Variants in SLC5A1 observed in about 807,000 individuals in gnomAD.
The protein encoded by SLC5A1 is solute carrier family 5 member 1.
Under a neutral mutation model 73.5 loss-of-function variants are expected in SLC5A1, and 42 were observed. The observed-to-expected ratio is 0.57, with a 90% CI of 0.45 to 0.74. The LOEUF (loss-of-function observed/expected upper bound fraction) is 0.74. Ranked by LOEUF, SLC5A1 falls within the 30% of genes least tolerant of loss-of-function variation. SLC5A1 has a pLI of 0.00. For synonymous variants in SLC5A1, 300 were observed against 317.4 expected, an observed-to-expected ratio of 0.95 and a Z score of 0.58; for missense variants, 634 against 855.4, an observed-to-expected ratio of 0.74 and a Z score of 3.23.
intron 11 of SLC5A1, 86 bp from the exon 12 acceptor site, chr22:32,099,097 A>T: frequency 6.2e-6 from 1 of 161,742 alleles, no homozygotes; most frequent in East Asian, 2.2e-4. Context: ...AAAAAAAAAA[A>T]AAAAAAAAAT....
At chr22:32,044,768 T>G (rs1464962229) in intron 1 of SLC5A1, among the ~76,000 whole-genome samples, 7 of 152,180 alleles carry the variant, frequency 4.6e-5, no homozygotes, top group African/African-American at 1.7e-4. Flanking sequence ...TCTTATCTAT[T>G]CTAATGACTC....
At chr22:32,088,537 C>G (rs557941214) in intron 10 of SLC5A1, among the ~76,000 whole-genome samples, 1 of 152,050 alleles carries the variant, frequency 6.6e-6, no homozygotes. Context: ...CGGGGTTTCA[C>G]CACATTGGCC....
intron 5 of SLC5A1, among the ~76,000 whole-genome samples, chr22:32,070,222 TCCCCTCCCCC>T (rs2093980565): frequency 9.9e-5 from 1 of 10,054 alleles, no homozygotes; most frequent in Non-Finnish European, 1.8e-4. Context: ...TCCCCTCCCC[TCCCCTCCCCC>T]CTCCCCTCCC....
chr22:32,101,717 T>A lies in SLC5A1; in HGVS notation c.1450-305T>A, dbSNP rs142973835. Among the ~76,000 whole-genome samples the A allele has an allele frequency of 1.8e-4, 28 of 152,354 alleles. No homozygotes were observed. In the East Asian group the frequency reaches 5.4e-3, roughly 29 times the overall value. On this transcript the variant is annotated intron_variant, in intron 12 of 14. Transcript: ENST00000266088. Reference sequence around the variant, plus strand: ...TAAAGGGAATTTTTGGAATCAAGTCTGTAGGTTGACATTCTATTCCAGTTA... The same window carrying A: ...TAAAGGGAATTTTTGGAATCAAGTCAGTAGGTTGACATTCTATTCCAGTTA...
intron 13 of SLC5A1, 136 bp from the exon 14 acceptor site, chr22:32,104,650 C>T (rs1603145126): frequency 8.5e-6 from 6 of 709,282 alleles, no homozygotes; most frequent in Middle Eastern, 2.9e-4. Context: ...GGATGAGAAT[C>T]GTTGTGTATG....
At chr22:32,086,928 T>C (rs758177477) in intron 10 of SLC5A1, among the ~76,000 whole-genome samples, 2 of 152,106 alleles carry the variant, frequency 1.3e-5, no homozygotes, top group Non-Finnish European at 2.9e-5. Flanking sequence ...CTATTCACCC[T>C]CAAAAAGAAG....
chr22:32,064,334 A>G (rs2093968817), intron 2 of SLC5A1, among the ~76,000 whole-genome samples: 1 of 152,030 alleles, frequency 6.6e-6, no homozygotes, highest in Admixed American at 6.6e-5. Context: ...CGTCTCTACA[A>G]AAAATACAAA....
At chr22:32,083,208 G>A (rs1397130542) in intron 7 of SLC5A1, 54 bp downstream of exon 7, 11 of 1,452,732 alleles carry the variant, frequency 7.6e-6, no homozygotes, top group Non-Finnish European at 1.1e-5. Flanking sequence ...GAGGGCCTCA[G>A]GAAGAGGAAG....
chr22:32,043,496 A>G lies in SLC5A1; in HGVS notation c.135+80A>G, dbSNP rs1437684092. ...ATGGCCTCGCTGAGCTGCAAGGGGC[A>G]GTAGGCTTAAGTGTCGGTGGAGGGG... On this transcript the variant is annotated intron_variant, in intron 1 of 14. Transcript: ENST00000266088. The surrounding 1 kb of genome is among the most constrained non-coding windows in gnomAD (Gnocchi z 6.5). 4 of 1,450,044 alleles carry G rather than the reference A, an allele frequency of 2.8e-6. No homozygotes were observed. Among genetic ancestry groups the G allele is most frequent in the Non-Finnish European group, 3.8e-6 (4 of 1,042,496 alleles). The allele number at this position is 1,450,044 out of a possible 1,614,324, so 89.8% of individuals were successfully genotyped here.
At chr22:32,054,444 G>A (rs2033467491) in intron 2 of SLC5A1, among the ~76,000 whole-genome samples, 1 of 152,196 alleles carries the variant, frequency 6.6e-6, no homozygotes, top group South Asian at 2.1e-4. Context: ...GGTTCAGTGG[G>A]AGGGAGAAGG....
At chr22:32,068,684 C>G (rs2093978159) in intron 5 of SLC5A1, 84 bp downstream of exon 5, 4 of 949,944 alleles carry the variant, frequency 4.2e-6, no homozygotes, top group Non-Finnish European at 6.8e-6. Context: ...CAAGAGGCGG[C>G]TCTATACATT....
intron 11 of SLC5A1, among the ~76,000 whole-genome samples, chr22:32,092,092 C>G (rs1482534688): frequency 6.6e-6 from 1 of 152,062 alleles, no homozygotes; most frequent in Non-Finnish European, 1.5e-5. Context: ...TTATCCCTCG[C>G]CCCCCTCCCA....
Position 32,110,748 on chromosome 22 carries a change from C to A in SLC5A1, c.*535C>A. 5.3e-6 allele frequency: 1 copy of A among 187,164 alleles called. No individual in the cohort carries two copies. The highest frequency in any genetic ancestry group is 1.1e-4 in the South Asian group (1 of 9,170). The allele number at this position is 187,164 out of a possible 1,614,324, so 11.6% of individuals were successfully genotyped here. ...GAATGCATGGAAGCTGAGGATGGAG[C>A]TTGATGGGCTCCCTGTCCTGGGTGT... On this transcript the variant is annotated 3_prime_UTR_variant, in exon 15 of 15. Transcript: ENST00000266088.
At chr22:32,101,836 G>A (rs1455569752) in intron 12 of SLC5A1, among the ~76,000 whole-genome samples, 186 bp from the exon 13 acceptor site, 1 of 152,110 alleles carries the variant, frequency 6.6e-6, no homozygotes, top group East Asian at 1.9e-4. Flanking sequence ...CACTGAGTGT[G>A]TCTGTCTGAG....
rs538063935 is a variant in SLC5A1, at chr22:32,045,820, G to T, written c.135+2404G>T. Reference sequence around the variant, plus strand: ...TATTCTTCCTGGAAGAGTTCATCAAGCTATCCTGAAATCCCCTCAAGCCAG... The same window carrying T: ...TATTCTTCCTGGAAGAGTTCATCAATCTATCCTGAAATCCCCTCAAGCCAG... On this transcript the variant is annotated intron_variant, in intron 1 of 14. Coordinates refer to ENST00000266088, the MANE Select transcript of SLC5A1 (RefSeq NM_000343.4). 4.2e-4 allele frequency among the ~76,000 whole-genome samples: 64 copies of T among 152,276 alleles called. 1 individual carries two copies. In the South Asian group the frequency reaches 0.012, roughly 30 times the overall value.
intron 14 of SLC5A1, among the ~76,000 whole-genome samples, chr22:32,106,374 G>A (rs571690233): frequency 5.8e-4 from 88 of 152,256 alleles, no homozygotes; most frequent in Non-Finnish European, 1.0e-3. Context: ...TTTGAGAAAC[G>A]TCTATTAAAA....
chr22:32,098,470 TAAG>T (rs2149496267), intron 11 of SLC5A1, among the ~76,000 whole-genome samples: 1 of 152,330 alleles, frequency 6.6e-6, no homozygotes, highest in African/African-American at 2.4e-5. Context: ...TCAGAGAGGT[TAAG>T]AAATGTCTCC....
chr22:32,045,316 C>T (rs1222577575), intron 1 of SLC5A1, among the ~76,000 whole-genome samples: 1 of 152,208 alleles, frequency 6.6e-6, no homozygotes, highest in East Asian at 1.9e-4. Flanking sequence ...TTACATGTTT[C>T]AAGTATCTGT....
intron 13 of SLC5A1, 31 bp from the exon 14 acceptor site, chr22:32,104,754 CT>C: frequency 2.5e-6 from 4 of 1,573,100 alleles, no homozygotes; most frequent in Non-Finnish European, 3.5e-6. Context: ...CTATTTGGAT[CT>C]TTCTGTTGAC....
Sources: allele counts gnomAD v4.1 joint callset (sites outside exome capture counted in the v4.1 genomes callset), GRCh38; gene constraint gnomAD v4.1.1; non-coding constraint Gnocchi (gnomAD v3.1); transcripts MANE v1.5; gene names NCBI Gene and HGNC (gene_info 2026-07-23, HGNC 2026-07-21).